The following KIF26B variants were observed in gnomAD, a reference collection of about 807,000 sequenced individuals.
KIF26B encodes kinesin family member 26B.
A neutral mutation model predicts 151.2 loss-of-function variants in KIF26B; 63 were observed. The ratio of observed to expected loss-of-function variants is 0.42; its 90% CI spans 0.34 to 0.51. The LOEUF (loss-of-function observed/expected upper bound fraction) is 0.51, where lower values mean the gene tolerates loss of function less well. Ranked by LOEUF, KIF26B falls within the 20% of genes least tolerant of loss-of-function variation. The probability of loss-of-function intolerance (pLI) is 0.07; values close to 1 mark genes in which losing one functional copy is unlikely to be tolerated. For synonymous variants in KIF26B, 1,357 were observed against 1,262.1 expected, an observed-to-expected ratio of 1.08 and a Z score of -1.59; for missense variants, 2,813 against 2,913.6, an observed-to-expected ratio of 0.97 and a Z score of 0.79.
chr1:245,470,949 C>T (rs1382307104), intron 4 of KIF26B, among the ~76,000 whole-genome samples: 1 of 152,116 alleles, frequency 6.6e-6, no homozygotes, highest in African/African-American at 2.4e-5. Context: ...TACTTGATGA[C>T]TGACTCAAGA....
At chr1:245,179,674 T>G (rs1487202424) in intron 2 of KIF26B, among the ~76,000 whole-genome samples, 4 of 152,126 alleles carry the variant, frequency 2.6e-5, no homozygotes, top group Non-Finnish European at 5.9e-5. Context: ...GTGAGAAGTT[T>G]ACCAACCAGG....
intron 4 of KIF26B, among the ~76,000 whole-genome samples, chr1:245,485,466 C>G (rs984437161): frequency 6.0e-5 from 9 of 150,664 alleles, no homozygotes; most frequent in South Asian, 2.1e-4. Flanking sequence ...TCACTGCAAC[C>G]TCCACCTCCC....
At chr1:245,389,491 T>C (rs1016815818) in intron 3 of KIF26B, among the ~76,000 whole-genome samples, 21 of 152,224 alleles carry the variant, frequency 1.4e-4, no homozygotes, top group African/African-American at 5.1e-4. Context: ...AGAACTGGAA[T>C]GAGTTAAATT....
rs554398118 is a variant in KIF26B, at chr1:245,156,359, G to C, written c.141G>C (p.Glu47Asp). 1.9e-6 allele frequency: 3 copies of C among 1,545,178 alleles called. No homozygotes were observed. The highest frequency in any genetic ancestry group is 2.8e-5 in the African/African-American group (2 of 72,218). ...PESWYRKAYE[E>D]SRAGSRPTPE... ...GCTGGTACCGGAAAGCATACGAGGAGTCGCGCGCCGGCAGCCGGCCCACTC... is the reference window on the plus strand; with the variant it reads ...GCTGGTACCGGAAAGCATACGAGGACTCGCGCGCCGGCAGCCGGCCCACTC... Residue 47 changes from glutamate (E) to aspartate (D), a missense_variant, in exon 2 of 15, where the codon GAG becomes GAC. By Grantham distance (45) the Glu-to-Asp change is conservative (BLOSUM62 2). This residue lies in a region of KIF26B where 676 missense variants were observed against 688.1 expected (regional missense o/e 0.98). Transcript: ENST00000407071.
chr1:245,228,963 A>ATTG (rs1669933981), intron 2 of KIF26B, among the ~76,000 whole-genome samples: 1 of 151,738 alleles, frequency 6.6e-6, no homozygotes, highest in South Asian at 2.1e-4. Context: ...TATTATTATT[A>ATTG]TTGTATTTCT....
At chr1:245,305,788 A>T (rs1341362117) in intron 2 of KIF26B, among the ~76,000 whole-genome samples, 1 of 151,928 alleles carries the variant, frequency 6.6e-6, no homozygotes, top group African/African-American at 2.4e-5. Flanking sequence ...AATACAAAAA[A>T]TTAGCCGGGT....
rs778761172 is a variant in KIF26B at position 245,698,190 on chromosome 1, G to A, written c.5909G>A (p.Arg1970His). Reference sequence around the variant, plus strand: ...AAACCCCCCAACAGCACAGGCGTCCGCTGGGTGGATGGCCCCTTGCGGAGC... The same window carrying A: ...AAACCCCCCAACAGCACAGGCGTCCACTGGGTGGATGGCCCCTTGCGGAGC... ...VRKPPNSTGV[R>H]WVDGPLRSSP... The change falls in exon 13 of 15, where the codon CGC (arginine) becomes CAC (histidine). Residue 1970 changes from arginine to histidine, a missense_variant. Physicochemically the swap from Arg to His is conservative, Grantham distance 29. Transcript: ENST00000407071. This position sits in a 1 kb window ranked among gnomAD's most constrained non-coding sequence, Gnocchi z 4.0. 2.9e-5 allele frequency: 47 copies of A among 1,613,910 alleles called. No homozygotes were observed. The highest frequency in any genetic ancestry group is 3.3e-4 in the Middle Eastern group (2 of 6,084).
chr1:245,332,441 T>A (rs1393292472), intron 2 of KIF26B, among the ~76,000 whole-genome samples: 1 of 152,242 alleles, frequency 6.6e-6, no homozygotes, highest in Admixed American at 6.5e-5. Flanking sequence ...GAAATGTTCT[T>A]TCTTTAGCCT....
In KIF26B at chr1:245,284,165, C is replaced by T. The variant is rs760972515; in HGVS notation, c.466-82669C>T. Among the ~76,000 whole-genome samples the T allele has an allele frequency of 7.2e-5, 11 of 152,208 alleles. No homozygotes were observed. In the South Asian group the frequency reaches 8.3e-4, roughly 11 times the overall value. ...ATATTTAAATAATGTATTGCTTAGT[C>T]GTGCTTCCTTTTGAACTTTTTATCA... is the stretch of plus-strand genomic sequence containing the variant. On this transcript the variant is annotated intron_variant, in intron 2 of 14. Transcript: ENST00000407071.
At chr1:245,525,523 A>G (rs1055023207) in intron 4 of KIF26B, among the ~76,000 whole-genome samples, 1 of 152,378 alleles carries the variant, frequency 6.6e-6, no homozygotes, top group South Asian at 2.1e-4. Context: ...TCAATGTGAA[A>G]TAAGATTCAA....
intron 2 of KIF26B, among the ~76,000 whole-genome samples, chr1:245,289,635 A>T (rs535801845): frequency 4.0e-4 from 61 of 152,122 alleles, no homozygotes; most frequent in African/African-American, 1.3e-3. Context: ...TTTCTCATCC[A>T]TCTGAATTTC....
intron 4 of KIF26B, among the ~76,000 whole-genome samples, chr1:245,453,398 T>G (rs1467311952): frequency 7.2e-5 from 11 of 152,218 alleles, no homozygotes; most frequent in Admixed American, 7.2e-4. Flanking sequence ...TTATTTTTAT[T>G]TTTTAAAGTA....
At position 245,184,047 on chromosome 1, in the gene KIF26B, G is replaced by GTTTTTTTTTTTTTTTTTTTTT. The variant is rs1469137088; in HGVS notation, c.465+27366_465+27367insTTTTTTTTTTTTTTTTTTTTT. 9.3e-3 allele frequency among the ~76,000 whole-genome samples: 86 copies of GTTTTTTTTTTTTTTTTTTTTT among 9,214 alleles called. 3 individuals carry two copies. The highest frequency in any genetic ancestry group is 0.016 in the African/African-American group (45 of 2,748). 6.0% of individuals were successfully genotyped at this position (9,214 alleles called of 152,430 possible). A position where few individuals can be genotyped will look rare whatever the true frequency, so the allele number is the denominator to read the frequency against. On this transcript the variant is annotated intron_variant, in intron 2 of 14. Transcript: ENST00000407071. ...CCTGCAACAGGTATGGGTGGGAGTTGTTGTTTTTTTTTTTTTTTTTTTGAG... is the reference window on the plus strand; with the variant it reads ...CCTGCAACAGGTATGGGTGGGAGTTGTTTTTTTTTTTTTTTTTTTTTTTGTTTTTTTTTTTTTTTTTTTGAG...
rs373345561 is a variant in KIF26B at position 245,388,429 on chromosome 1, C to T, written c.999+21062C>T. Among the ~76,000 whole-genome samples the T allele has an allele frequency of 1.1e-4, 16 of 152,324 alleles. No homozygotes were observed. The East Asian group carries it at 2.1e-3, about 20-fold the overall frequency. ...AAAGCCGCTACTTGCAATGCTAAGT[C>T]ACATTGACGTCCCAGTCCTGATTGG... On this transcript the variant is annotated intron_variant, in intron 3 of 14. Coordinates refer to ENST00000407071, the MANE Select transcript of KIF26B (RefSeq NM_018012.4).
In KIF26B at chr1:245,602,739, A is replaced by G. The variant is rs781152428; in HGVS notation, c.1513A>G (p.Lys505Glu). ...FQKRGNQVPPKMFAFDAVFPQ... is the reference protein window; with the variant it reads ...FQKRGNQVPPEMFAFDAVFPQ... The stretch of plus-strand genomic sequence containing the variant: ...AAAGAGAGGCAACCAGGTTCCTCCA[A>G]AGATGTTTGCCTTCGATGCAGTTTT... The change falls in exon 6 of 15, where the codon AAG (lysine) becomes GAG (glutamate). Residue 505 changes from lysine (K) to glutamate (E), a missense_variant. Lys to Glu is a moderately conservative substitution (Grantham distance 56, BLOSUM62 1). Coordinates refer to ENST00000407071, the MANE Select transcript of KIF26B (RefSeq NM_018012.4). The surrounding 1 kb of genome is among the most constrained non-coding windows in gnomAD (Gnocchi z 4.5). 1 of 1,614,006 alleles carries G rather than the reference A, an allele frequency of 6.2e-7. No homozygotes were observed. The highest frequency in any genetic ancestry group is 8.5e-7 in the Non-Finnish European group (1 of 1,179,896).
intron 2 of KIF26B, among the ~76,000 whole-genome samples, chr1:245,182,262 T>C (rs1668920494): frequency 6.6e-6 from 1 of 152,234 alleles, no homozygotes; most frequent in Admixed American, 6.5e-5. Flanking sequence ...AGGAAAAGAC[T>C]AATCTGCTTT....
At chr1:245,178,408 C>T (rs1178915888) in intron 2 of KIF26B, among the ~76,000 whole-genome samples, 4 of 151,996 alleles carry the variant, frequency 2.6e-5, no homozygotes, top group African/African-American at 2.4e-5. Context: ...CTTGAGCTGT[C>T]TCTTCAGTCG....
intron 4 of KIF26B, among the ~76,000 whole-genome samples, chr1:245,425,081 T>G (rs1216519744): frequency 6.6e-6 from 1 of 151,688 alleles, no homozygotes; most frequent in African/African-American, 2.4e-5. Context: ...TTTTTTTTTT[T>G]GCATGATTTT....
intron 2 of KIF26B, among the ~76,000 whole-genome samples, chr1:245,175,699 C>CCATAATTCAAGT (rs1668790922): frequency 6.6e-6 from 1 of 151,990 alleles, no homozygotes; most frequent in Non-Finnish European, 1.5e-5. Flanking sequence ...AGTGAAGAGA[C>CCATAATTCAAGT]CATAATTCAA....
Sources: allele counts gnomAD v4.1 joint callset (sites outside exome capture counted in the v4.1 genomes callset), GRCh38; gene constraint gnomAD v4.1.1; regional missense constraint gnomAD v4.1.1; non-coding constraint Gnocchi (gnomAD v3.1); transcripts MANE v1.5; gene names NCBI Gene and HGNC (gene_info 2026-07-23, HGNC 2026-07-21).